Variants in RBFOX1 observed in about 807,000 individuals in gnomAD.
RBFOX1 encodes RNA binding protein fox-1 homolog 1.
A neutral mutation model predicts 57.7 loss-of-function variants in RBFOX1; 8 were observed. That is an observed-to-expected ratio of 0.14 (90% CI 0.08 to 0.25). The LOEUF is 0.25. Ranked by LOEUF, RBFOX1 falls within the 10% of genes least tolerant of loss-of-function variation. The probability of loss-of-function intolerance (pLI) is 1.00; values close to 1 mark genes in which losing one functional copy is unlikely to be tolerated. For missense variants in RBFOX1, 611 were observed against 548.5 expected (o/e 1.11, Z -1.14); for synonymous variants, 326 against 222.4 (o/e 1.47, Z -4.15).
chr16:6,648,970 A>G (rs1390249271), intron 2 of RBFOX1, among the ~76,000 whole-genome samples: 2 of 152,176 alleles, frequency 1.3e-5, no homozygotes, highest in Non-Finnish European at 2.9e-5. Flanking sequence ...GTTAGAACAC[A>G]TAACATCTAC....
intron 4 of RBFOX1, among the ~76,000 whole-genome samples, chr16:5,967,709 T>G (rs764575153): frequency 6.6e-6 from 1 of 152,150 alleles, no homozygotes; most frequent in Non-Finnish European, 1.5e-5. Context: ...ATCCTGCTTG[T>G]AAAGGACACA....
At chr16:7,393,965 G>A (rs2098091890) in intron 4 of RBFOX1, among the ~76,000 whole-genome samples, 1 of 152,120 alleles carries the variant, frequency 6.6e-6, no homozygotes, top group Non-Finnish European at 1.5e-5. Flanking sequence ...GCCTGGTGTG[G>A]TGGCTCACAC....
At chr16:5,683,494 G>A (rs1259543864) in intron 3 of RBFOX1, among the ~76,000 whole-genome samples, 1 of 151,994 alleles carries the variant, frequency 6.6e-6, no homozygotes, top group Non-Finnish European at 1.5e-5. Flanking sequence ...CCTGAATCTG[G>A]TGGGTACAGT....
intron 4 of RBFOX1, among the ~76,000 whole-genome samples, chr16:5,936,704 C>G (rs1248587607): frequency 6.6e-6 from 1 of 152,174 alleles, no homozygotes; most frequent in African/African-American, 2.4e-5. Flanking sequence ...CCTACCTCAC[C>G]TAAATCATTG....
At chr16:7,622,116 A>G (rs530525880) in intron 10 of RBFOX1, among the ~76,000 whole-genome samples, 56 of 152,284 alleles carry the variant, frequency 3.7e-4, no homozygotes, top group Admixed American at 3.1e-3. Flanking sequence ...GATTTGGCCA[A>G]AAGTCTGTAG....
chr16:6,747,353 G>T (rs1056234229), intron 3 of RBFOX1, among the ~76,000 whole-genome samples: 1 of 152,026 alleles, frequency 6.6e-6, no homozygotes, highest in African/African-American at 2.4e-5. Flanking sequence ...ATTGTAGTGA[G>T]CCAAGATGGC....
At chr16:5,952,748 A>G (rs1345574344) in intron 4 of RBFOX1, among the ~76,000 whole-genome samples, 1 of 152,118 alleles carries the variant, frequency 6.6e-6, no homozygotes, top group Non-Finnish European at 1.5e-5. Flanking sequence ...TTTCCCTGTT[A>G]CAGAAATGAT....
intron 3 of RBFOX1, among the ~76,000 whole-genome samples, chr16:6,830,824 T>A (rs745453630): frequency 2.6e-5 from 4 of 152,170 alleles, no homozygotes; most frequent in Non-Finnish European, 5.9e-5. Context: ...AAATCGGTGT[T>A]GACTTTACAA....
chr16:5,577,363 G>A (rs1445362350), intron 2 of RBFOX1, among the ~76,000 whole-genome samples: 2 of 151,968 alleles, frequency 1.3e-5, no homozygotes, highest in Non-Finnish European at 2.9e-5. Flanking sequence ...ACCTGTTGGC[G>A]GGGGGGTCTC....
intron 3 of RBFOX1, among the ~76,000 whole-genome samples, chr16:6,756,974 T>TCAAA (rs1363590140): frequency 8.9e-6 from 1 of 112,880 alleles, no homozygotes; most frequent in African/African-American, 3.1e-5. Flanking sequence ...AAACTCCATC[T>TCAAA]CAAACAAACA....
chr16:7,373,045 C>A (rs2097598891), intron 4 of RBFOX1, among the ~76,000 whole-genome samples: 1 of 151,866 alleles, frequency 6.6e-6, no homozygotes, highest in Admixed American at 6.5e-5. Context: ...CATTCTCTTG[C>A]CTCAGCCTCC....
intron 3 of RBFOX1, among the ~76,000 whole-genome samples, chr16:5,800,443 T>G (rs1161585698): frequency 6.6e-6 from 1 of 152,172 alleles, no homozygotes; most frequent in African/African-American, 2.4e-5. Flanking sequence ...GAACAGGCTC[T>G]GCACCCCCAG....
At chr16:6,542,309 T>A (rs1334250843) in intron 2 of RBFOX1, among the ~76,000 whole-genome samples, 2 of 152,040 alleles carry the variant, frequency 1.3e-5, no homozygotes, top group South Asian at 2.1e-4. Flanking sequence ...TTTCTCTTTC[T>A]TGAGTAGCAC....
At chr16:6,294,996 A>C (rs1223232574) in intron 1 of RBFOX1, among the ~76,000 whole-genome samples, 1 of 151,982 alleles carries the variant, frequency 6.6e-6, no homozygotes, top group Non-Finnish European at 1.5e-5. Flanking sequence ...TAGGATAGTA[A>C]TCAGCATTGT....
intron 4 of RBFOX1, among the ~76,000 whole-genome samples, chr16:7,199,914 A>G (rs897086241): frequency 7.0e-6 from 1 of 143,304 alleles, no homozygotes; most frequent in African/African-American, 2.9e-5. Context: ...AAACAAAACA[A>G]CAACAACAAC....
At chr16:6,324,633 T>A (rs1290351157) in intron 2 of RBFOX1, among the ~76,000 whole-genome samples, 2 of 152,212 alleles carry the variant, frequency 1.3e-5, no homozygotes, top group Non-Finnish European at 2.9e-5. Flanking sequence ...AAACTGTTCA[T>A]GAGAAACTGC....
In RBFOX1 at chr16:7,449,172, A is replaced by T. The variant is rs187088992; in HGVS notation, c.28-68975A>T. On this transcript the variant is annotated intron_variant, in intron 4 of 15. Transcript: ENST00000550418. ...TCGAACTCCCGACTTCAGGTGATCC[A>T]CCTGCCCTAGCCTCCCAAAGTGCTG... Among the ~76,000 whole-genome samples the T allele has an allele frequency of 7.9e-5, 12 of 151,930 alleles. No individual in the cohort carries two copies. The East Asian group carries it at 2.3e-3, about 30-fold the overall frequency.
chr16:7,188,206 C>A (rs1322399440), intron 4 of RBFOX1, among the ~76,000 whole-genome samples: 1 of 152,192 alleles, frequency 6.6e-6, no homozygotes, highest in Non-Finnish European at 1.5e-5. Flanking sequence ...GAAACACTCC[C>A]TGAGCCTGTG....
intron 1 of RBFOX1, among the ~76,000 whole-genome samples, chr16:5,328,479 C>T (rs943003889): frequency 2.0e-5 from 3 of 152,212 alleles, no homozygotes; most frequent in African/African-American, 7.2e-5. Flanking sequence ...GTTATGCTTG[C>T]CCTAGCAAAC....
Sources: gnomAD v4.1 joint callset for allele counts (sites outside exome capture counted in the v4.1 genomes callset) on GRCh38, gnomAD v4.1.1 for gene constraint, MANE v1.5 for transcripts, NCBI Gene and HGNC (gene_info 2026-07-23, HGNC 2026-07-21) for gene names.